The following CENPF variants were observed in gnomAD, a reference collection of about 807,000 sequenced individuals.
CENPF encodes centromere protein F, also known as AH antigen.
In CENPF, 214 loss-of-function variants were observed where a neutral mutation model predicts 307.3. The ratio of observed to expected loss-of-function variants is 0.70; its 90% CI spans 0.62 to 0.78. CENPF has a LOEUF of 0.78. CENPF is among the 30% of genes least tolerant of loss of function. The probability of loss-of-function intolerance (pLI) is 0.00; values close to 1 mark genes in which losing one functional copy is unlikely to be tolerated. For missense variants in CENPF, 3,401 were observed against 3,483.9 expected (o/e 0.98, Z 0.60); for synonymous variants, 1,259 against 1,270.6 (o/e 0.99, Z 0.19).
rs867728236 is a variant in CENPF at position 214,615,147 on chromosome 1, A to G, written c.359+119A>G. 2.6e-4 allele frequency: 155 copies of G among 603,166 alleles called. No homozygotes were observed. The Middle Eastern group carries it at 3.3e-3, about 13-fold the overall frequency. The allele number at this position is 603,166 out of a possible 1,614,324, so 37.4% of individuals were successfully genotyped here. On this transcript the variant is annotated intron_variant, in intron 3 of 19. Transcript: ENST00000366955. ...TGCAATTTTTTTTCCTGGTAGAATAAGTAATGATTCGGTCTCTGTACCGTA... is the reference window on the plus strand; with the variant it reads ...TGCAATTTTTTTTCCTGGTAGAATAGGTAATGATTCGGTCTCTGTACCGTA...
In CENPF at chr1:214,641,081, C is replaced by T; in HGVS notation, c.2743C>T (p.Leu915Phe). 6.4e-7 allele frequency: 1 copy of T among 1,567,312 alleles called. No homozygotes were observed. The highest frequency in any genetic ancestry group is 8.6e-7 in the Non-Finnish European group (1 of 1,165,972). The change falls in exon 12 of 20, where the codon CTT becomes TTT. Residue 915 changes from leucine (L) to phenylalanine (F), a missense_variant. Leu to Phe is a conservative substitution (Grantham distance 22). Coordinates refer to ENST00000366955, the MANE Select transcript of CENPF (RefSeq NM_016343.4). ...TGAGAACAAGGAAAAAGAGCTGCAA[C>T]TTTTAAATGATAAGGTAGAAACTGA... ...ALENKEKELQ[L>F]LNDKVETEQA...
rs765137709 is a variant in CENPF, at chr1:214,614,951, G to A, written c.282G>A (p.Glu94=). Reference sequence around the variant, plus strand: ...TTTCTCATGAACTTCAAGTCAAGGAGTCACAAGTGAATTTCCAGGAAGGAC... The same window carrying A: ...TTTCTCATGAACTTCAAGTCAAGGAATCACAAGTGAATTTCCAGGAAGGAC... ...QKISHELQVK[E]SQVNFQEGQL... Residue 94 remains glutamate (E), a synonymous_variant, in exon 3 of 20, where the codon GAG becomes GAA. Coordinates refer to ENST00000366955, the MANE Select transcript of CENPF (RefSeq NM_016343.4). The A allele has an allele frequency of 3.1e-6, 5 of 1,611,560 alleles. No homozygotes were observed. The highest frequency in any genetic ancestry group is 1.7e-6 in the Non-Finnish European group (2 of 1,179,102).
rs746146738 is a variant in CENPF at position 214,642,901 on chromosome 1, C to T, written c.4563C>T (p.Cys1521=). ...NLEGAVSANQ[C]SVDEVFCSSL... ...AAGGGGCTGTTTCAGCAAACCAGTGCAGTGTAGATGAAGTATTTTGCAGCA... is the reference window on the plus strand; with the variant it reads ...AAGGGGCTGTTTCAGCAAACCAGTGTAGTGTAGATGAAGTATTTTGCAGCA... Residue 1521 remains cysteine, a synonymous_variant, in exon 12 of 20, where the codon TGC becomes TGT. Transcript: ENST00000366955. The T allele has an allele frequency of 6.2e-6, 10 of 1,613,994 alleles. No homozygotes were observed. In the South Asian group the frequency reaches 1.1e-4, roughly 18 times the overall value.
rs34322009 is a variant in CENPF, at chr1:214,651,946, C to CT, written c.8160+72dup. On this transcript the variant is annotated intron_variant, in intron 15 of 19. Transcript: ENST00000366955. Reference sequence around the variant, plus strand: ...AGAGTGTATTTTGATCATGGTAAGGCTTTTTTTTTTTTCCAAAAAAAATCA... The same window carrying CT: ...AGAGTGTATTTTGATCATGGTAAGGCTTTTTTTTTTTTTCCAAAAAAAATCA... 0.036 allele frequency: 40,897 copies of CT among 1,133,906 alleles called. 83 individuals are homozygous for CT. Among genetic ancestry groups the CT allele is most frequent in the African/African-American group, 0.088 (5,442 of 61,504 alleles). 70.2% of individuals were successfully genotyped at this position (1,133,906 alleles called of 1,614,324 possible).
In CENPF at chr1:214,645,594, G is replaced by A. The variant is rs1311685426; in HGVS notation, c.6024G>A (p.Glu2008=). 3.7e-6 allele frequency: 6 copies of A among 1,614,040 alleles called. No individual in the cohort carries two copies. Among genetic ancestry groups the A allele is most frequent in the Non-Finnish European group, 4.2e-6 (5 of 1,180,032 alleles). The change falls in exon 13 of 20, where the codon GAG becomes GAA. Residue 2008 remains glutamate (E), a synonymous_variant. Coordinates refer to ENST00000366955, the MANE Select transcript of CENPF (RefSeq NM_016343.4). ...CLHCIQVAEA[E]VKEKTELLQT... ...ATTGCATTCAGGTGGCAGAGGCAGA[G>A]GTGAAGGAAAAGACGGAACTCCTTC... is the stretch of plus-strand genomic sequence containing the variant.
At chr1:214,656,222 G>A (rs964333927) in intron 17 of CENPF, among the ~76,000 whole-genome samples, 2 of 152,146 alleles carry the variant, frequency 1.3e-5, no homozygotes, top group Non-Finnish European at 2.9e-5. Flanking sequence ...CCCTGGAGTG[G>A]CATGTGCTTA....
chr1:214,641,577 A>G lies in CENPF; in HGVS notation c.3239A>G (p.Lys1080Arg). ...ELEQLKEAFA[K>R]EHQEFLTKLA... ...GAACAGCTAAAGGAAGCATTTGCAAAGGAACACCAAGAATTCTTAACAAAA... is the reference window on the plus strand; with the variant it reads ...GAACAGCTAAAGGAAGCATTTGCAAGGGAACACCAAGAATTCTTAACAAAA... The change falls in exon 12 of 20, where the codon AAG (lysine) becomes AGG (arginine). Residue 1080 changes from lysine to arginine, a missense_variant. Lys to Arg is a conservative substitution (Grantham distance 26). Coordinates refer to ENST00000366955, the MANE Select transcript of CENPF (RefSeq NM_016343.4). 6.5e-7 allele frequency: 1 copy of G among 1,536,412 alleles called. No individual in the cohort carries two copies. Among genetic ancestry groups the G allele is most frequent in the Non-Finnish European group, 8.7e-7 (1 of 1,147,748 alleles).
rs1203849815 is a variant in CENPF at position 214,640,323 on chromosome 1, A to G, written c.1985A>G (p.Asn662Ser). 11 of 1,613,960 alleles carry G rather than the reference A, an allele frequency of 6.8e-6. No homozygotes were observed. The highest frequency in any genetic ancestry group is 1.7e-4 in the Middle Eastern group (1 of 6,060). The change falls in exon 12 of 20, where the codon AAC becomes AGC. Residue 662 changes from asparagine to serine, a missense_variant. Asn to Ser is a conservative substitution (Grantham distance 46, BLOSUM62 1). Transcript: ENST00000366955. ...CAGCAAATAAAAAGTCATGAATACA[A>G]CGAGAGAGTAAGAACGCTGGAGATG... Reference protein sequence around the residue: ...KTQQIKSHEYNERVRTLEMDR... With the variant: ...KTQQIKSHEYSERVRTLEMDR...
chr1:214,661,207 A>G (rs1658778848), intron 19 of CENPF, among the ~76,000 whole-genome samples: 1 of 152,220 alleles, frequency 6.6e-6, no homozygotes, highest in Non-Finnish European at 1.5e-5. Flanking sequence ...ACCAGCAGTT[A>G]TGAATTGCTA....
At chr1:214,651,638 A>T in intron 14 of CENPF, 72 bp from the exon 15 acceptor site, 1 of 1,208,942 alleles carries the variant, frequency 8.3e-7, no homozygotes, top group Non-Finnish European at 1.2e-6. Context: ...AGTACACATT[A>T]TTTCCTAAAA....
rs76289640 is a variant in CENPF at position 214,638,181 on chromosome 1, G to C, written c.1582+180G>C. 2.9e-3 allele frequency among the ~76,000 whole-genome samples: 435 copies of C among 152,228 alleles called. 7 individuals are homozygous for C. The highest frequency in any genetic ancestry group is 0.015 in the Admixed American group (234 of 15,294). ...TTCTAGTTTTTAGTTTCCAGAGTGAGAGTGGGACTTTTTTTAATTGGAACA... is the reference window on the plus strand; with the variant it reads ...TTCTAGTTTTTAGTTTCCAGAGTGACAGTGGGACTTTTTTTAATTGGAACA... On this transcript the variant is annotated intron_variant, in intron 11 of 19. Coordinates refer to ENST00000366955, the MANE Select transcript of CENPF (RefSeq NM_016343.4).
At chr1:214,605,719 G>C (rs55810324) in intron 1 of CENPF, 3 of 1,593,424 alleles carry the variant, frequency 1.9e-6, no homozygotes, top group Non-Finnish European at 2.5e-6. Flanking sequence ...AGCGACGCAG[G>C]CCCTCCAGGT....
At chr1:214,650,740 A>G (rs1658439641) in intron 14 of CENPF, among the ~76,000 whole-genome samples, 1 of 152,024 alleles carries the variant, frequency 6.6e-6, no homozygotes, top group Non-Finnish European at 1.5e-5. Context: ...TGTTTCTACA[A>G]AAAAACAGTA....
In CENPF at chr1:214,640,916, A is replaced by C; in HGVS notation, c.2578A>C (p.Lys860Gln). The C allele has an allele frequency of 6.2e-7, 1 of 1,608,026 alleles. No homozygotes were observed. Among genetic ancestry groups the C allele is most frequent in the Non-Finnish European group, 8.5e-7 (1 of 1,178,600 alleles). ...QKQCEELVQI[K>Q]GEIEENLMKA... is the part of the protein sequence containing the mutation. ...GCAGTGTGAAGAGTTGGTGCAAATCAAAGGAGAAATAGAAGAAAATCTCAT... is the reference window on the plus strand; with the variant it reads ...GCAGTGTGAAGAGTTGGTGCAAATCCAAGGAGAAATAGAAGAAAATCTCAT... Residue 860 changes from lysine to glutamine, a missense_variant, in exon 12 of 20, where the codon AAA becomes CAA. Physicochemically the swap from Lys to Gln is moderately conservative, Grantham distance 53 (BLOSUM62 1). Coordinates refer to ENST00000366955, the MANE Select transcript of CENPF (RefSeq NM_016343.4).
chr1:214,643,003 C>T lies in CENPF; in HGVS notation c.4665C>T (p.Leu1555=). 6.8e-6 allele frequency: 11 copies of T among 1,609,626 alleles called. No homozygotes were observed. Among genetic ancestry groups the T allele is most frequent in the Non-Finnish European group, 8.5e-6 (10 of 1,178,708 alleles). The change falls in exon 12 of 20, where the codon CTC becomes CTT. Residue 1555 remains leucine (L), a synonymous_variant. Transcript: ENST00000366955. The part of the protein sequence containing the change: ...PAKGVEELES[L]CEVYRQSLEK... ...AGGGTGTTGAAGAGCTTGAGTCCCT[C>T]TGTGAGGTGTACCGGCAGTCCCTCG... is the stretch of plus-strand genomic sequence containing the variant.
intron 1 of CENPF, chr1:214,605,849 G>C (rs1657012527): frequency 6.3e-7 from 1 of 1,596,434 alleles, no homozygotes; most frequent in Admixed American, 1.7e-5. Flanking sequence ...CTCGTCCTCC[G>C]TGCCGTGGAT....
chr1:214,654,658 T>G (rs1658582208), intron 16 of CENPF, among the ~76,000 whole-genome samples: 1 of 151,888 alleles, frequency 6.6e-6, no homozygotes, highest in Non-Finnish European at 1.5e-5. Context: ...TCATAGCTCT[T>G]TTTTTTTGAT....
Position 214,620,796 on chromosome 1 carries a change from A to C in CENPF, c.715A>C (p.Arg239=), listed in dbSNP as rs1434667090. 1.2e-6 allele frequency: 2 copies of C among 1,614,054 alleles called. No individual in the cohort carries two copies. The highest frequency in any genetic ancestry group is 8.5e-7 in the Non-Finnish European group (1 of 1,180,048). The change falls in exon 6 of 20, where the codon AGA becomes CGA. Residue 239 remains arginine, a synonymous_variant. Transcript: ENST00000366955. ...TAATTCTCAAAGAACTCCAATTAGG[A>C]GAGATTTCTCTGCATCTTACTTTTC... The part of the protein sequence containing the change: ...SSNSQRTPIR[R]DFSASYFSGE...
rs144740403 is a variant in CENPF, at chr1:214,632,040, AT to A, written c.1324-439del. 1.2e-3 allele frequency among the ~76,000 whole-genome samples: 187 copies of A among 152,260 alleles called. 1 individual carries two copies. The highest frequency in any genetic ancestry group is 2.0e-3 in the Non-Finnish European group (137 of 68,000). On this transcript the variant is annotated intron_variant, in intron 9 of 19. Coordinates refer to ENST00000366955, the MANE Select transcript of CENPF (RefSeq NM_016343.4). ...TTCAATAGCCATTTGTATTTTTTGT[AT>A]AAAGTTTTCTGTTTCTAGCCATTGC...
Sources: allele counts gnomAD v4.1 joint callset (sites outside exome capture counted in the v4.1 genomes callset), GRCh38; gene constraint gnomAD v4.1.1; transcripts MANE v1.5; gene names NCBI Gene and HGNC (gene_info 2026-07-23, HGNC 2026-07-21).